EFCAB6: variants seen among roughly 807,000 people sequenced by gnomAD.
The protein encoded by EFCAB6 is EF-hand calcium binding domain 6.
In EFCAB6, 156 loss-of-function variants were observed where a neutral mutation model predicts 169.8. The ratio of observed to expected loss-of-function variants is 0.92; its 90% confidence interval spans 0.81 to 1.05. The LOEUF (loss-of-function observed/expected upper bound fraction) is 1.05. Ranked by LOEUF, EFCAB6 falls within the 50% of genes least tolerant of loss-of-function variation. EFCAB6 has a pLI of 0.00. For synonymous variants in EFCAB6, 698 were observed against 676.4 expected, an observed-to-expected ratio of 1.03 and a Z score of -0.50; for missense variants, 1,800 against 1,829.1, an observed-to-expected ratio of 0.98 and a Z score of 0.29.
intron 16 of EFCAB6, among the ~76,000 whole-genome samples, chr22:43,667,821 C>T (rs774465328): frequency 1.1e-4 from 17 of 152,068 alleles, no homozygotes; most frequent in Middle Eastern, 3.2e-3. Context: ...TGAGTCTCAG[C>T]GTGGATGTGT....
chr22:43,800,930 A>G (rs1038088954), intron 2 of EFCAB6, among the ~76,000 whole-genome samples: 11 of 152,226 alleles, frequency 7.2e-5, no homozygotes, highest in African/African-American at 2.7e-4. Context: ...CAAATAAATA[A>G]TAACAGAAAA....
chr22:43,617,742 T>C (rs6006729), intron 20 of EFCAB6, among the ~76,000 whole-genome samples: 8,978 of 152,176 alleles, frequency 0.059, 334 homozygotes, highest in Admixed American at 0.095. Flanking sequence ...ACTAGCAATG[T>C]GGACAGAGTC....
chr22:43,628,996 T>A lies in EFCAB6; in HGVS notation c.2233-2317A>T, dbSNP rs2054728626. ...GCAGCATTTCCTAGGCACAAAGCAC[T>A]CTGCTGGGTACACAGACACCATAAC... is the stretch of plus-strand genomic sequence containing the variant. On this transcript the variant is annotated intron_variant, in intron 19 of 31. Coordinates refer to ENST00000262726, the MANE Select transcript of EFCAB6 (RefSeq NM_022785.4). The surrounding 1 kb of genome is among the most constrained non-coding windows in gnomAD (Gnocchi z 4.8). Among the ~76,000 whole-genome samples the A allele has an allele frequency of 6.6e-6, 1 of 152,114 alleles. No homozygotes were observed. The highest frequency in any genetic ancestry group is 1.5e-5 in the Non-Finnish European group (1 of 68,022).
chr22:43,589,573 AG>A (rs2051326293), intron 24 of EFCAB6, among the ~76,000 whole-genome samples: 1 of 152,174 alleles, frequency 6.6e-6, no homozygotes, highest in African/African-American at 2.4e-5. Context: ...GGATCACCTG[AG>A]GTCAGGAGTT....
At chr22:43,797,475 C>G (rs887557390) in intron 2 of EFCAB6, 1 of 152,370 alleles carries the variant, frequency 6.6e-6, no homozygotes, top group Non-Finnish European at 1.5e-5. Context: ...TGCAAGCTAC[C>G]GGAGAACTGT....
intron 18 of EFCAB6, among the ~76,000 whole-genome samples, chr22:43,633,974 C>T (rs1300610665): frequency 1.3e-5 from 2 of 152,096 alleles, no homozygotes; most frequent in Non-Finnish European, 2.9e-5. Flanking sequence ...TGTGAGAATG[C>T]AGCTTAGAGG....
chr22:43,673,072 T>G (rs548509172), intron 13 of EFCAB6, among the ~76,000 whole-genome samples: 44 of 152,122 alleles, frequency 2.9e-4, no homozygotes, highest in African/African-American at 1.0e-3. Context: ...ATGGTGGGAG[T>G]GTAAACTGAT....
intron 16 of EFCAB6, among the ~76,000 whole-genome samples, 168 bp from the exon 17 acceptor site, chr22:43,667,440 G>A (rs866892583): frequency 2.0e-5 from 3 of 152,070 alleles, no homozygotes; most frequent in Admixed American, 6.6e-5. Flanking sequence ...CCCTCCCCTG[G>A]CTGGTAGGTT....
intron 27 of EFCAB6, 23 bp downstream of exon 27, chr22:43,554,846 G>A (rs1438837949): frequency 6.2e-7 from 1 of 1,607,638 alleles, no homozygotes; most frequent in African/African-American, 1.3e-5. Context: ...TGTGCAGGGT[G>A]AGGACTGACT....
intron 4 of EFCAB6, among the ~76,000 whole-genome samples, chr22:43,766,049 T>G (rs2061317240): frequency 6.6e-6 from 1 of 152,110 alleles, no homozygotes; most frequent in African/African-American, 2.4e-5. Context: ...TTGTTTTTGT[T>G]TTTTGAGATG....
intron 12 of EFCAB6, among the ~76,000 whole-genome samples, chr22:43,679,118 C>A (rs1041386623): frequency 6.6e-6 from 1 of 152,132 alleles, no homozygotes; most frequent in African/African-American, 2.4e-5. Context: ...AGTTTCAGCA[C>A]CCCCAGAAGA....
chr22:43,675,681 T>C (rs575619380), intron 13 of EFCAB6, among the ~76,000 whole-genome samples: 3 of 147,150 alleles, frequency 2.0e-5, no homozygotes, highest in South Asian at 2.1e-4. Flanking sequence ...TTTCTAGAAA[T>C]AGATACTAAA....
rs546418569 is a variant in EFCAB6, at chr22:43,724,524, C to A, written c.757+7175G>T. 2.1e-4 allele frequency among the ~76,000 whole-genome samples: 32 copies of A among 152,054 alleles called. No homozygotes were observed. The South Asian group carries it at 6.2e-3, about 30-fold the overall frequency. On this transcript the variant is annotated intron_variant, in intron 8 of 31. Coordinates refer to ENST00000262726, the MANE Select transcript of EFCAB6 (RefSeq NM_022785.4). Reference sequence around the variant, plus strand: ...CTGGGATTACAGGCACACGCCACCACGCCCAGCTAATTTTTTTATATTTTT... The same window carrying A: ...CTGGGATTACAGGCACACGCCACCAAGCCCAGCTAATTTTTTTATATTTTT...
At chr22:43,630,347 TG>T (rs1364675514) in intron 19 of EFCAB6, among the ~76,000 whole-genome samples, 1 of 151,990 alleles carries the variant, frequency 6.6e-6, no homozygotes, top group Admixed American at 6.5e-5. Context: ...CGGGATAGAG[TG>T]GGTGTCGGTG....
chr22:43,634,666 G>T (rs2055245339), intron 18 of EFCAB6, among the ~76,000 whole-genome samples: 1 of 151,286 alleles, frequency 6.6e-6, no homozygotes, highest in Non-Finnish European at 1.5e-5. Context: ...CCTAACATCC[G>T]GTGGGGGGCG....
At chr22:43,784,235 C>A (rs2061928982) in intron 2 of EFCAB6, among the ~76,000 whole-genome samples, 1 of 151,910 alleles carries the variant, frequency 6.6e-6, no homozygotes, top group South Asian at 2.1e-4. Flanking sequence ...CCTAGAATTC[C>A]AAACTCAATG....
chr22:43,612,822 C>T (rs180843154), intron 21 of EFCAB6, among the ~76,000 whole-genome samples: 199 of 150,766 alleles, frequency 1.3e-3, no homozygotes, highest in African/African-American at 4.3e-3. Flanking sequence ...TTAACCTGGG[C>T]GGCGGAGGTT....
chr22:43,681,474 G>A (rs1036911174), intron 12 of EFCAB6, among the ~76,000 whole-genome samples: 9 of 152,188 alleles, frequency 5.9e-5, no homozygotes, highest in South Asian at 4.1e-4. Flanking sequence ...CTCAGAGAAT[G>A]AGTCTGGAAG....
chr22:43,622,120 T>C (rs2054151189), intron 20 of EFCAB6, among the ~76,000 whole-genome samples: 1 of 152,198 alleles, frequency 6.6e-6, no homozygotes, highest in Non-Finnish European at 1.5e-5. Flanking sequence ...AGAATAACCA[T>C]TCCATACAAT....
Sources: allele counts gnomAD v4.1 joint callset (sites outside exome capture counted in the v4.1 genomes callset), GRCh38; gene constraint gnomAD v4.1.1; non-coding constraint Gnocchi (gnomAD v3.1); transcripts MANE v1.5; gene names NCBI Gene and HGNC (gene_info 2026-07-23, HGNC 2026-07-21).